CEP350: variants seen among roughly 807,000 people sequenced by gnomAD.
The protein encoded by CEP350 is centrosomal protein 350, also known as centrosome-associated protein 350.
CEP350 carries 126 observed loss-of-function variants against 331.8 expected under a neutral mutation model. That is an observed-to-expected ratio of 0.38 (90% CI 0.33 to 0.44). The LOEUF (loss-of-function observed/expected upper bound fraction) is 0.44, where lower values mean the gene tolerates loss of function less well. Ranked by LOEUF, CEP350 falls within the 20% of genes least tolerant of loss-of-function variation. The pLI, the probability that CEP350 is intolerant of heterozygous loss-of-function variation, is 1.00. For synonymous variants in CEP350, 1,200 were observed against 1,259.5 expected (o/e 0.95, Z 1.00); for missense variants, 3,406 against 3,634.6 (o/e 0.94, Z 1.62).
Position 179,986,181 on chromosome 1 carries a change from G to A in CEP350, c.-1G>A. On this transcript the variant is annotated 5_prime_UTR_variant, in exon 2 of 38. Coordinates refer to ENST00000367607, the MANE Select transcript of CEP350 (RefSeq NM_014810.5). ...GATGTGATTGCAGGTAAATTGGCAG[G>A]ATGAGGAGCAGCAAATCAAAAGAGG... is the stretch of plus-strand genomic sequence containing the variant. The A allele has an allele frequency of 6.4e-7, 1 of 1,550,962 alleles. No homozygotes were observed. The highest frequency in any genetic ancestry group is 2.0e-5 in the Admixed American group (1 of 51,040).
At chr1:180,059,448 G>A (rs966732612) in intron 25 of CEP350, among the ~76,000 whole-genome samples, 1 of 152,144 alleles carries the variant, frequency 6.6e-6, no homozygotes, top group Non-Finnish European at 1.5e-5. Context: ...GTTTCATTTA[G>A]AATGTCCTGA....
intron 7 of CEP350, among the ~76,000 whole-genome samples, chr1:180,004,414 A>G (rs1447375248): frequency 4.6e-5 from 7 of 152,166 alleles, no homozygotes; most frequent in Admixed American, 4.6e-4. Flanking sequence ...TGCATGATCA[A>G]GTTTTCCCTC....
In CEP350 at chr1:179,957,358, G is replaced by C. The variant is rs141385121; in HGVS notation, c.-14+2216G>C. ...ACATGAGGCAAATTTTAGTGTTATA[G>C]TGTAAAAAAATCATCAGATTGCATA... On this transcript the variant is annotated intron_variant, in intron 1 of 37. Coordinates refer to ENST00000367607, the MANE Select transcript of CEP350 (RefSeq NM_014810.5). Among the ~76,000 whole-genome samples, 579 of 152,156 alleles carry C rather than the reference G, an allele frequency of 3.8e-3. 5 individuals carry two copies. The highest frequency in any genetic ancestry group is 0.013 in the African/African-American group (532 of 41,526).
At chr1:180,000,281 A>G (rs1026041017) in intron 6 of CEP350, among the ~76,000 whole-genome samples, 3 of 152,048 alleles carry the variant, frequency 2.0e-5, no homozygotes, top group Non-Finnish European at 4.4e-5. Flanking sequence ...CGGTGGGATT[A>G]GGTGATGGTG....
Position 180,111,114 on chromosome 1 carries a change from G to A in CEP350, c.9307G>A (p.Val3103Ile), listed in dbSNP as rs765312014. ...GACCCTGATCAAAGATACTATTGATGTTCTGAATCAGATCAGTGAAAAGCA... is the reference window on the plus strand; with the variant it reads ...GACCCTGATCAAAGATACTATTGATATTCTGAATCAGATCAGTGAAAAGCA... ...FETLIKDTID[V>I]LNQISEKQGR... Residue 3103 changes from valine (V) to isoleucine (I), a missense_variant, in exon 38 of 38, where the codon GTT becomes ATT. This residue lies in a region of CEP350 where 29 missense variants were observed against 52.8 expected (regional missense o/e 0.55). Coordinates refer to ENST00000367607, the MANE Select transcript of CEP350 (RefSeq NM_014810.5). 1.2e-6 allele frequency: 2 copies of A among 1,614,000 alleles called. No homozygotes were observed. Among genetic ancestry groups the A allele is most frequent in the African/African-American group, 1.3e-5 (1 of 75,038 alleles).
chr1:180,107,202 A>G (rs905405995), intron 37 of CEP350, among the ~76,000 whole-genome samples: 1 of 152,194 alleles, frequency 6.6e-6, no homozygotes, highest in African/African-American at 2.4e-5. Context: ...CATAAATAAA[A>G]AGAAATGGCC....
At position 179,997,166 on chromosome 1, in the gene CEP350, G is replaced by C. The variant is rs761292272; in HGVS notation, c.1009G>C (p.Ala337Pro). The change falls in exon 6 of 38, where the codon GCA becomes CCA. Residue 337 changes from alanine (A) to proline (P), a missense_variant. Around this residue, in one of 5 missense-constraint regions of CEP350, gnomAD observed 1,857 missense variants for 1,909.2 expected, o/e 0.97. Transcript: ENST00000367607. ...AGTGGCAACAGCACCACCTGCTCCA[G>C]CATATAAAGGTTTGTAATCAGTCTT... Reference protein sequence around the residue: ...RKVATAPPAPAYKGFNPSETK... With the variant: ...RKVATAPPAPPYKGFNPSETK... 3 of 1,611,008 alleles carry C rather than the reference G, an allele frequency of 1.9e-6. No individual in the cohort carries two copies. Among genetic ancestry groups the C allele is most frequent in the Non-Finnish European group, 1.7e-6 (2 of 1,178,566 alleles).
chr1:179,986,413 A>G (rs574345691), intron 2 of CEP350, among the ~76,000 whole-genome samples, 159 bp downstream of exon 2: 155 of 152,316 alleles, frequency 1.0e-3, no homozygotes, highest in African/African-American at 3.6e-3. Flanking sequence ...CTGGTGCTTC[A>G]TGTTAAAAGG....
At position 180,084,404 on chromosome 1, in the gene CEP350, G is replaced by A. The variant is rs538959669; in HGVS notation, c.6285+226G>A. On this transcript the variant is annotated intron_variant, in intron 31 of 37. Transcript: ENST00000367607. ...TTTTGAGATGGAATCTCGCTCTGTC[G>A]CCTAGGCTGGAGTGCAGTGGCGCGA... The A allele has an allele frequency of 7.2e-4, 212 of 293,664 alleles. 1 individual carries two copies. In the South Asian group the frequency reaches 0.011, roughly 15 times the overall value. 18.2% of individuals were successfully genotyped at this position (293,664 alleles called of 1,614,324 possible). A position where few individuals can be genotyped will look rare whatever the true frequency, so the allele number is the denominator to read the frequency against.
intron 5 of CEP350, among the ~76,000 whole-genome samples, chr1:179,992,817 G>A (rs1002513888): frequency 6.6e-6 from 1 of 152,066 alleles, no homozygotes; most frequent in Non-Finnish European, 1.5e-5. Context: ...ACAGAATTTT[G>A]TATTTGAGGG....
chr1:180,044,593 C>T (rs1341754748), intron 21 of CEP350, among the ~76,000 whole-genome samples: 10 of 145,686 alleles, frequency 6.9e-5, no homozygotes, highest in South Asian at 4.3e-4. Flanking sequence ...AACCAAACAC[C>T]GCATGTTCTC....
intron 30 of CEP350, among the ~76,000 whole-genome samples, chr1:180,082,165 C>T (rs1659610965): frequency 6.6e-6 from 1 of 152,060 alleles, no homozygotes; most frequent in Non-Finnish European, 1.5e-5. Flanking sequence ...GAGTTATGCA[C>T]CAAGGATTAA....
At chr1:180,084,977 G>C (rs1233902787) in intron 31 of CEP350, among the ~76,000 whole-genome samples, 1 of 152,184 alleles carries the variant, frequency 6.6e-6, no homozygotes, top group South Asian at 2.1e-4. Flanking sequence ...TGTAAGCAGA[G>C]AAGTATTAGA....
At chr1:180,047,577 C>G (rs934729909) in intron 21 of CEP350, among the ~76,000 whole-genome samples, 92 of 151,348 alleles carry the variant, frequency 6.1e-4, no homozygotes, top group African/African-American at 2.2e-3. Context: ...GCCAACATAG[C>G]GAAGCCCCAT....
intron 25 of CEP350, among the ~76,000 whole-genome samples, chr1:180,058,298 TTATC>T (rs1428854936): frequency 1.3e-5 from 2 of 152,222 alleles, no homozygotes; most frequent in Non-Finnish European, 2.9e-5. Flanking sequence ...GTAATTTTCT[TTATC>T]TGTGTTGTCC....
Position 180,062,336 on chromosome 1 carries a change from G to A in CEP350, c.5379G>A (p.Glu1793=), listed in dbSNP as rs375443270. 1.2e-6 allele frequency: 2 copies of A among 1,609,846 alleles called. No individual in the cohort carries two copies. The highest frequency in any genetic ancestry group is 1.7e-6 in the Non-Finnish European group (2 of 1,177,838). Residue 1793 remains glutamate, a synonymous_variant, in exon 26 of 38, where the codon GAG becomes GAA. Coordinates refer to ENST00000367607, the MANE Select transcript of CEP350 (RefSeq NM_014810.5). ...GACAGACCACCATAAAACTACAGGAGAAATTGAAGTCTGCAGGGGAGAGTA... is the reference window on the plus strand; with the variant it reads ...GACAGACCACCATAAAACTACAGGAAAAATTGAAGTCTGCAGGGGAGAGTA... ...KIRQTTIKLQ[E]KLKSAGESKL...
intron 6 of CEP350, among the ~76,000 whole-genome samples, chr1:179,999,502 TTTTTCTGCCAAC>T (rs1653718169): frequency 6.6e-6 from 1 of 152,102 alleles, no homozygotes; most frequent in African/African-American, 2.4e-5. Context: ...TGAAAAACTG[TTTTTCTGCCAAC>T]TTTTTGGTAG....
chr1:180,077,994 G>T (rs1571965878), intron 28 of CEP350, among the ~76,000 whole-genome samples: 1 of 152,094 alleles, frequency 6.6e-6, no homozygotes, highest in East Asian at 1.9e-4. Context: ...TTAGCTGGGT[G>T]TGGTGGCATG....
At chr1:180,032,073 G>A (rs578176514) in intron 15 of CEP350, among the ~76,000 whole-genome samples, 1 of 152,168 alleles carries the variant, frequency 6.6e-6, no homozygotes, top group South Asian at 2.1e-4. Context: ...TACTGATTAT[G>A]GAGCTTGCGT....
Sources: gnomAD v4.1 joint callset for allele counts (sites outside exome capture counted in the v4.1 genomes callset) on GRCh38, gnomAD v4.1.1 for gene constraint, gnomAD v4.1.1 regional missense constraint, MANE v1.5 for transcripts, NCBI Gene and HGNC (gene_info 2026-07-23, HGNC 2026-07-21) for gene names.